The following ANKH variants were observed in gnomAD, a reference collection of about 807,000 sequenced individuals.
The protein encoded by ANKH is ANKH inorganic pyrophosphate transport regulator.
Under a neutral mutation model 49.0 loss-of-function variants are expected in ANKH, and 15 were observed. The observed-to-expected ratio is 0.31, with a 90% CI of 0.20 to 0.47. ANKH has a LOEUF of 0.47. Ranked by LOEUF, ANKH falls within the 20% of genes least tolerant of loss-of-function variation. The pLI is 1.00. For synonymous variants in ANKH, 273 were observed against 260.0 expected, an observed-to-expected ratio of 1.05 and a Z score of -0.48; for missense variants, 429 against 652.0, an observed-to-expected ratio of 0.66 and a Z score of 3.72.
In ANKH at chr5:14,737,189, T is replaced by C. The variant is rs1248169074; in HGVS notation, c.1011+4638A>G. Among the ~76,000 whole-genome samples, 3 of 152,220 alleles carry C rather than the reference T, an allele frequency of 2.0e-5. No individual in the cohort carries two copies. Among genetic ancestry groups the C allele is most frequent in the Non-Finnish European group, 4.4e-5 (3 of 68,044 alleles). Reference sequence around the variant, plus strand: ...CTGGCTTTCACCACTTGGCCTGGCATGCAGGAATAGGGAGGTCCGTCACTC... The same window carrying C: ...CTGGCTTTCACCACTTGGCCTGGCACGCAGGAATAGGGAGGTCCGTCACTC... On this transcript the variant is annotated intron_variant, in intron 8 of 11. Transcript: ENST00000284268. The surrounding 1 kb of genome is among the most constrained non-coding windows in gnomAD (Gnocchi z 5.0).
chr5:14,749,587 G>A (rs2126480680), intron 5 of ANKH, among the ~76,000 whole-genome samples: 1 of 152,288 alleles, frequency 6.6e-6, no homozygotes, highest in African/African-American at 2.4e-5. Flanking sequence ...TGAGACTCGG[G>A]GAATCTCTAA....
At chr5:14,827,441 T>C (rs1279753733) in intron 1 of ANKH, among the ~76,000 whole-genome samples, 1 of 152,174 alleles carries the variant, frequency 6.6e-6, no homozygotes, top group Non-Finnish European at 1.5e-5. Context: ...TCTAGGCCTT[T>C]TAAAGATAAA....
At chr5:14,845,529 G>A (rs550522699) in intron 1 of ANKH, among the ~76,000 whole-genome samples, 105 of 152,208 alleles carry the variant, frequency 6.9e-4, no homozygotes, top group Middle Eastern at 3.4e-3. Context: ...TCTCTGACAG[G>A]GACTTCTGAG....
intron 2 of ANKH, among the ~76,000 whole-genome samples, chr5:14,766,702 G>A (rs1044046067): frequency 5.3e-5 from 8 of 152,204 alleles, no homozygotes; most frequent in Non-Finnish European, 1.0e-4. Flanking sequence ...AGATGTATCT[G>A]ATTTATATTC....
At chr5:14,830,514 T>A (rs866722507) in intron 1 of ANKH, among the ~76,000 whole-genome samples, 1,533 of 148,344 alleles carry the variant, frequency 0.01, 27 homozygotes, top group African/African-American at 0.037. Flanking sequence ...AGGGGGAGTG[T>A]GTGTGTGTGT....
chr5:14,842,056 T>TA (rs1226155973), intron 1 of ANKH, among the ~76,000 whole-genome samples: 2 of 152,004 alleles, frequency 1.3e-5, no homozygotes, highest in African/African-American at 4.8e-5. Flanking sequence ...CACAAAAAGA[T>TA]AAAAAAAGCT....
chr5:14,711,343 G>A, intron 11 of ANKH, 33 bp from the exon 12 acceptor site: 1 of 1,581,260 alleles, frequency 6.3e-7, no homozygotes, highest in South Asian at 1.1e-5. Context: ...GTGTGGGGCT[G>A]TGGATGGGGA....
intron 6 of ANKH, 49 bp from the exon 7 acceptor site, chr5:14,746,011 C>T: frequency 1.3e-6 from 2 of 1,497,040 alleles, no homozygotes; most frequent in Non-Finnish European, 1.9e-6. Flanking sequence ...GCAGGAAGTC[C>T]TCCAGGAGCT....
chr5:14,838,827 A>G (rs1332573638), intron 1 of ANKH, among the ~76,000 whole-genome samples: 1 of 152,174 alleles, frequency 6.6e-6, no homozygotes, highest in Non-Finnish European at 1.5e-5. Flanking sequence ...GCCAGTGTAT[A>G]CAAACTGCAG....
At chr5:14,830,510 AGTGTGT>A (rs35379260) in intron 1 of ANKH, among the ~76,000 whole-genome samples, 31 of 147,390 alleles carry the variant, frequency 2.1e-4, no homozygotes, top group African/African-American at 5.0e-4. Context: ...AGGTAGGGGG[AGTGTGT>A]GTGTGTGTGT....
intron 5 of ANKH, among the ~76,000 whole-genome samples, chr5:14,750,305 A>C (rs1445538426): frequency 2.6e-5 from 4 of 152,344 alleles, no homozygotes; most frequent in Admixed American, 2.6e-4. Context: ...GTTTATACTT[A>C]CAACAAACAG....
At chr5:14,716,873 AGT>A (rs768974142) in intron 8 of ANKH, 38 bp from the exon 9 acceptor site, 24 of 1,610,868 alleles carry the variant, frequency 1.5e-5, no homozygotes, top group Non-Finnish European at 1.9e-5. Context: ...GTGAGGAAAA[AGT>A]GTAAGCAGGT....
intron 1 of ANKH, among the ~76,000 whole-genome samples, chr5:14,855,555 C>T (rs1401778224): frequency 1.3e-5 from 2 of 152,102 alleles, no homozygotes; most frequent in Non-Finnish European, 2.9e-5. Context: ...AACCAGCATA[C>T]ATTGTGTCAA....
intron 1 of ANKH, among the ~76,000 whole-genome samples, chr5:14,775,749 T>A (rs916047823): frequency 6.6e-6 from 1 of 151,934 alleles, no homozygotes; most frequent in Non-Finnish European, 1.5e-5. Context: ...GAAGGTGGGT[T>A]TGGACAAGCA....
At chr5:14,784,330 T>C (rs1159361086) in intron 1 of ANKH, among the ~76,000 whole-genome samples, 2 of 152,124 alleles carry the variant, frequency 1.3e-5, no homozygotes, top group African/African-American at 2.4e-5. Context: ...TGCTACCAAA[T>C]AGAACCAGTG....
intron 1 of ANKH, among the ~76,000 whole-genome samples, chr5:14,789,455 TAAA>T (rs35825962): frequency 1.6e-4 from 21 of 128,138 alleles, no homozygotes; most frequent in Admixed American, 1.2e-3. Flanking sequence ...ATGGTGGTGA[TAAA>T]AAAAAAAAAA....
chr5:14,790,710 C>A (rs1477256363), intron 1 of ANKH, among the ~76,000 whole-genome samples: 1 of 152,168 alleles, frequency 6.6e-6, no homozygotes, highest in African/African-American at 2.4e-5. Context: ...GGGGTTCGAG[C>A]GATTCTCTTG....
At chr5:14,811,990 C>T (rs1263729345) in intron 1 of ANKH, among the ~76,000 whole-genome samples, 3 of 152,054 alleles carry the variant, frequency 2.0e-5, no homozygotes, top group Admixed American at 1.3e-4. Flanking sequence ...AATAATCTAT[C>T]GTCCTACTTC....
intron 1 of ANKH, among the ~76,000 whole-genome samples, chr5:14,855,726 A>T (rs1372992593): frequency 6.6e-6 from 1 of 152,078 alleles, no homozygotes; most frequent in Non-Finnish European, 1.5e-5. Flanking sequence ...GATTAAATTT[A>T]ATCTATTATT....
Sources: gnomAD v4.1 joint callset for allele counts (sites outside exome capture counted in the v4.1 genomes callset) on GRCh38, gnomAD v4.1.1 for gene constraint, Gnocchi (gnomAD v3.1) non-coding constraint, MANE v1.5 for transcripts, NCBI Gene and HGNC (gene_info 2026-07-23, HGNC 2026-07-21) for gene names.